PKIB: variants seen among roughly 807,000 people sequenced by gnomAD.
PKIB encodes the protein PKI-beta.
PKIB carries 2 observed loss-of-function variants against 4.5 expected under a neutral mutation model. The observed-to-expected ratio is 0.44, with a 90% CI of 0.18 to 1.39. PKIB has a LOEUF of 1.39. Among genes scored for constraint, PKIB ranks in the 40% most tolerant of loss-of-function variants. The probability of loss-of-function intolerance (pLI) is 0.27; values close to 1 mark genes in which losing one functional copy is unlikely to be tolerated. For synonymous variants in PKIB, 38 were observed against 36.0 expected (o/e 1.06, Z -0.20); for missense variants, 94 against 92.6 (o/e 1.02, Z -0.06).
chr6:122,565,838 A>T (rs1773174238), intron 2 of PKIB, among the ~76,000 whole-genome samples: 1 of 152,214 alleles, frequency 6.6e-6, no homozygotes, highest in African/African-American at 2.4e-5. Flanking sequence ...ACAAATCTGA[A>T]AAGGCCAAGG....
At chr6:122,633,677 G>A (rs1291412826) in intron 2 of PKIB, among the ~76,000 whole-genome samples, 3 of 152,082 alleles carry the variant, frequency 2.0e-5, no homozygotes, top group South Asian at 2.1e-4. Context: ...TCTTATAGAG[G>A]CAGCTAGCCC....
intron 2 of PKIB, among the ~76,000 whole-genome samples, chr6:122,653,820 G>A (rs2114888716): frequency 6.6e-6 from 1 of 152,112 alleles, no homozygotes; most frequent in East Asian, 1.9e-4. Flanking sequence ...AATTAGCTGG[G>A]CATGGTGACG....
intron 2 of PKIB, among the ~76,000 whole-genome samples, chr6:122,501,363 G>A (rs575869242): frequency 2.0e-5 from 3 of 152,200 alleles, no homozygotes; most frequent in East Asian, 3.9e-4. Context: ...ACAGGCCCTA[G>A]TGGAGGTTCT....
chr6:122,596,931 A>G (rs1326579561), intron 3 of PKIB, among the ~76,000 whole-genome samples: 1 of 152,190 alleles, frequency 6.6e-6, no homozygotes, highest in Non-Finnish European at 1.5e-5. Context: ...AATACACCCA[A>G]ATGAGGAATG....
chr6:122,602,828 C>A (rs567179860), intron 3 of PKIB, among the ~76,000 whole-genome samples: 3 of 151,844 alleles, frequency 2.0e-5, no homozygotes, highest in African/African-American at 7.2e-5. Context: ...TGGTGGTGCA[C>A]ACCTGTAGTC....
At chr6:122,549,833 TA>T (rs1434984217) in intron 2 of PKIB, among the ~76,000 whole-genome samples, 2 of 147,858 alleles carry the variant, frequency 1.4e-5, no homozygotes, top group Admixed American at 6.8e-5. Flanking sequence ...ATATATAAAA[TA>T]TATATGTATA....
chr6:122,486,659 T>C (rs1482351191), intron 2 of PKIB, among the ~76,000 whole-genome samples: 1 of 152,110 alleles, frequency 6.6e-6, no homozygotes, highest in African/African-American at 2.4e-5. Context: ...TACCATTTCT[T>C]CCTCAAGTTC....
chr6:122,547,724 G>A (rs796094782), intron 2 of PKIB, among the ~76,000 whole-genome samples: 5 of 152,174 alleles, frequency 3.3e-5, no homozygotes, highest in African/African-American at 1.2e-4. Context: ...CTGCATGGCC[G>A]GCTCTCCCTA....
intron 2 of PKIB, chr6:122,643,674 C>G (rs1776201731): frequency 6.6e-6 from 1 of 152,090 alleles, no homozygotes; most frequent in South Asian, 2.1e-4. Flanking sequence ...AAACTATTAT[C>G]CTACCTTGTA....
At chr6:122,586,461 T>C (rs989361573) in intron 3 of PKIB, among the ~76,000 whole-genome samples, 2 of 152,180 alleles carry the variant, frequency 1.3e-5, no homozygotes, top group Non-Finnish European at 2.9e-5. Flanking sequence ...TGTCCTCATA[T>C]AGTCCTTTTG....
chr6:122,692,623 A>C (rs1778402586), intron 3 of PKIB, among the ~76,000 whole-genome samples: 1 of 146,730 alleles, frequency 6.8e-6, no homozygotes, highest in Admixed American at 6.8e-5. Context: ...CAGAAATGCC[A>C]TCCAAGAGCC....
intron 2 of PKIB, among the ~76,000 whole-genome samples, chr6:122,637,523 G>A (rs1775971015): frequency 2.0e-5 from 3 of 152,068 alleles, no homozygotes; most frequent in African/African-American, 4.8e-5. Flanking sequence ...TTGGGAGGCC[G>A]AGGCAGGTGG....
chr6:122,508,314 GT>G (rs1251852719), intron 2 of PKIB, among the ~76,000 whole-genome samples: 3 of 152,206 alleles, frequency 2.0e-5, no homozygotes, highest in East Asian at 1.9e-4. Flanking sequence ...GGTGACGTCT[GT>G]TTGTCAGATT....
At chr6:122,532,610 G>T (rs1238908230) in intron 2 of PKIB, among the ~76,000 whole-genome samples, 2 of 152,238 alleles carry the variant, frequency 1.3e-5, no homozygotes, top group South Asian at 4.1e-4. Flanking sequence ...CATATAGATG[G>T]ATTCAAATAG....
At chr6:122,653,042 G>A (rs770128004) in intron 2 of PKIB, among the ~76,000 whole-genome samples, 26 of 152,148 alleles carry the variant, frequency 1.7e-4, no homozygotes, top group Non-Finnish European at 3.4e-4. Context: ...CTCATGTATT[G>A]CTGCCTGTGC....
At chr6:122,518,879 T>C in intron 2 of PKIB, among the ~76,000 whole-genome samples, 1 of 152,204 alleles carries the variant, frequency 6.6e-6, no homozygotes. Flanking sequence ...AATTGGTCAT[T>C]CAGACGCAGA....
chr6:122,592,020 T>G, intron 3 of PKIB, among the ~76,000 whole-genome samples: 1 of 141,654 alleles, frequency 7.1e-6, no homozygotes, highest in South Asian at 2.2e-4. Flanking sequence ...CTCTTTTCCC[T>G]TTTTTTTTTT....
At chr6:122,596,251 T>C (rs1240890043) in intron 3 of PKIB, among the ~76,000 whole-genome samples, 1 of 152,140 alleles carries the variant, frequency 6.6e-6, no homozygotes, top group Admixed American at 6.5e-5. Context: ...TGCCAGCCTG[T>C]CATGCAGAAC....
intron 3 of PKIB, among the ~76,000 whole-genome samples, chr6:122,704,793 T>C (rs112495256): frequency 4.1e-4 from 63 of 151,960 alleles, no homozygotes; most frequent in African/African-American, 9.9e-4. Context: ...GTGTTGATCA[T>C]TGAATCAGGT....
Sources: gnomAD v4.1 joint callset for allele counts (sites outside exome capture counted in the v4.1 genomes callset) on GRCh38, gnomAD v4.1.1 for gene constraint, MANE v1.5 for transcripts, NCBI Gene and HGNC (gene_info 2026-07-23, HGNC 2026-07-21) for gene names.